ATAD1: variants seen among roughly 807,000 people sequenced by gnomAD.
The protein encoded by ATAD1 is ATPase family AAA domain containing 1.
ATAD1 carries 18 observed loss-of-function variants against 42.7 expected under a neutral mutation model. That is an observed-to-expected ratio of 0.42 (90% CI 0.29 to 0.63). ATAD1 has a LOEUF of 0.63. ATAD1 is among the 20% of genes least tolerant of loss of function. The pLI is 0.19. For synonymous variants in ATAD1, 132 were observed against 143.1 expected, an observed-to-expected ratio of 0.92 and a Z score of 0.55; for missense variants, 294 against 440.4, an observed-to-expected ratio of 0.67 and a Z score of 2.98.
rs1452644909 is a variant in ATAD1 at position 87,818,093 on chromosome 10, C to T, written c.-14+74G>A. ...CCTTTCCTCCGGGGGTTCCCAGGTC[C>T]GAGACGGTCCTTAAAGGACCTCAGA... On this transcript the variant is annotated intron_variant, in intron 1 of 9. Coordinates refer to ENST00000680024, the MANE Select transcript of ATAD1 (RefSeq NM_001321967.2). The T allele has an allele frequency of 7.1e-6, 7 of 985,422 alleles. No homozygotes were observed. The African/African-American group carries it at 1.2e-4, about 17-fold the overall frequency. The allele number at this position is 985,422 out of a possible 1,614,324, so 61.0% of individuals were successfully genotyped here. A position where few individuals can be genotyped will look rare whatever the true frequency, so the allele number is the denominator to read the frequency against.
intron 2 of ATAD1, among the ~76,000 whole-genome samples, chr10:87,793,232 G>A (rs1469224500): frequency 6.6e-6 from 1 of 152,180 alleles, no homozygotes; most frequent in East Asian, 1.9e-4. Flanking sequence ...ATCTACAATA[G>A]ATGGCCACAC....
intron 6 of ATAD1, among the ~76,000 whole-genome samples, chr10:87,774,487 G>T (rs2038554): frequency 0.33 from 50,905 of 152,008 alleles, 9,024 homozygotes; most frequent in African/African-American, 0.42. Context: ...CCTGGTAGAT[G>T]TGAAAAACAA....
chr10:87,789,865 A>C (rs1336734884), intron 4 of ATAD1, among the ~76,000 whole-genome samples: 13 of 152,228 alleles, frequency 8.5e-5, no homozygotes, highest in Non-Finnish European at 2.9e-5. Context: ...CATCTCCATC[A>C]AAGTTAAATA....
chr10:87,781,524 G>A (rs1371855714), intron 5 of ATAD1, among the ~76,000 whole-genome samples: 5 of 152,172 alleles, frequency 3.3e-5, no homozygotes, highest in Admixed American at 2.0e-4. Flanking sequence ...ATTGTAACAT[G>A]CTATCCTAAT....
intron 1 of ATAD1, among the ~76,000 whole-genome samples, chr10:87,829,012 C>T (rs1203800037): frequency 6.6e-6 from 1 of 152,186 alleles, no homozygotes; most frequent in African/African-American, 2.4e-5. Flanking sequence ...CCTGGTCACT[C>T]AAGAGCTCTG....
chr10:87,784,994 A>G (rs1400630284), intron 4 of ATAD1, among the ~76,000 whole-genome samples: 1 of 152,230 alleles, frequency 6.6e-6, no homozygotes, highest in Non-Finnish European at 1.5e-5. Flanking sequence ...AAGGCCCTCC[A>G]CCTTCACAAG....
upstream of ATAD1, chr10:87,819,279 A>AC (rs1263689915): frequency 1.3e-5 from 2 of 150,088 alleles, no homozygotes; most frequent in Non-Finnish European, 3.0e-5. Context: ...AAAAAAAAAA[A>AC]AAAAAAAAAA....
intron 1 of ATAD1, among the ~76,000 whole-genome samples, chr10:87,817,488 G>T (rs1857472151): frequency 6.6e-6 from 1 of 152,224 alleles, no homozygotes; most frequent in Non-Finnish European, 1.5e-5. Flanking sequence ...GGAAAACCGT[G>T]AAATCGTACT....
chr10:87,801,485 T>A (rs1856691581), intron 2 of ATAD1, among the ~76,000 whole-genome samples: 1 of 92,510 alleles, frequency 1.1e-5, no homozygotes, highest in African/African-American at 4.2e-5. Context: ...TTTGTAGAGA[T>A]GTTATTAGTA....
intron 1 of ATAD1, among the ~76,000 whole-genome samples, chr10:87,816,342 C>T (rs1237849931): frequency 6.6e-6 from 1 of 152,128 alleles, no homozygotes; most frequent in Non-Finnish European, 1.5e-5. Flanking sequence ...CCACTAGGAG[C>T]CATTCACTTC....
At chr10:87,771,068 A>T (rs1855008375) in intron 6 of ATAD1, 27 bp from the exon 7 acceptor site, 1 of 1,565,032 alleles carries the variant, frequency 6.4e-7, no homozygotes, top group African/African-American at 1.4e-5. Flanking sequence ...GACAGAAGGT[A>T]TTAAATCTAC....
chr10:87,786,309 T>C (rs1855830286), intron 4 of ATAD1, among the ~76,000 whole-genome samples: 1 of 152,226 alleles, frequency 6.6e-6, no homozygotes, highest in Non-Finnish European at 1.5e-5. Context: ...AAAGCCTCCA[T>C]ATTTTGTTGA....
chr10:87,822,647 G>C (rs1167684230), upstream of ATAD1, among the ~76,000 whole-genome samples: 1 of 152,016 alleles, frequency 6.6e-6, no homozygotes, highest in African/African-American at 2.4e-5. Flanking sequence ...GAATAGTGGT[G>C]GGGGGTAGGA....
At chr10:87,838,358 C>T (rs576435796) in intron 1 of ATAD1, among the ~76,000 whole-genome samples, 52 of 149,978 alleles carry the variant, frequency 3.5e-4, no homozygotes, top group Non-Finnish European at 6.9e-4. Context: ...GAAACCCAGT[C>T]TCGACTAAAA....
In ATAD1 at chr10:87,753,497, GC is replaced by G. The variant is rs1347319062; in HGVS notation, c.*1189del. The G allele has an allele frequency of 6.6e-6, 1 of 152,146 alleles. No individual in the cohort carries two copies. The highest frequency in any genetic ancestry group is 1.5e-5 in the Non-Finnish European group (1 of 68,010). 9.4% of individuals were successfully genotyped at this position (152,146 alleles called of 1,614,324 possible). A position where few individuals can be genotyped will look rare whatever the true frequency, so the allele number is the denominator to read the frequency against. On this transcript the variant is annotated 3_prime_UTR_variant, in exon 10 of 10. Coordinates refer to ENST00000680024, the MANE Select transcript of ATAD1 (RefSeq NM_001321967.2). ...TTTTCCTCATGCTGCGTGGTTAGGT[GC>G]CTATAACAGAATTCTGGTTAGTAAA...
At chr10:87,758,624 CAAAGA>C (rs1023531695) in intron 8 of ATAD1, among the ~76,000 whole-genome samples, 17 of 151,786 alleles carry the variant, frequency 1.1e-4, no homozygotes, top group African/African-American at 3.9e-4. Context: ...GAAATAAAAA[CAAAGA>C]AAAGCAGGAA....
Position 87,831,129 on chromosome 10 carries a change from T to C in ATAD1, c.-14+10058A>G, listed in dbSNP as rs114346217. Reference sequence around the variant, plus strand: ...AAGGGATAGTGTCTACATTATAGAGTTGGGGAGAGGATTGGAGATAAGCTA... The same window carrying C: ...AAGGGATAGTGTCTACATTATAGAGCTGGGGAGAGGATTGGAGATAAGCTA... On this transcript the variant is annotated intron_variant, in intron 1 of 4. Transcript: ENST00000495903. Among the ~76,000 whole-genome samples, 1,418 of 152,264 alleles carry C rather than the reference T, an allele frequency of 9.3e-3. 24 individuals are homozygous for C. Among genetic ancestry groups the C allele is most frequent in the African/African-American group, 0.032 (1,333 of 41,552 alleles).
At chr10:87,804,643 T>A (rs991601512) in intron 2 of ATAD1, among the ~76,000 whole-genome samples, 1 of 152,186 alleles carries the variant, frequency 6.6e-6, no homozygotes, top group Non-Finnish European at 1.5e-5. Context: ...GTGCTGGGAT[T>A]ACAGGTATGA....
chr10:87,786,241 C>T (rs898329608), intron 4 of ATAD1, among the ~76,000 whole-genome samples: 3 of 152,238 alleles, frequency 2.0e-5, no homozygotes, highest in African/African-American at 7.2e-5. Context: ...TATATTGTTA[C>T]ACTTGGTACT....
Sources: allele counts gnomAD v4.1 joint callset (sites outside exome capture counted in the v4.1 genomes callset), GRCh38; gene constraint gnomAD v4.1.1; transcripts MANE v1.5; gene names NCBI Gene and HGNC (gene_info 2026-07-23, HGNC 2026-07-21).